The following FAM78B variants were observed in gnomAD, a reference collection of about 807,000 sequenced individuals.
The protein encoded by FAM78B is family with sequence similarity 78 member B, also known as protein FAM78B.
FAM78B carries 10 observed loss-of-function variants against 20.0 expected under a neutral mutation model. The ratio of observed to expected loss-of-function variants is 0.50; its 90% CI spans 0.31 to 0.85. The LOEUF (loss-of-function observed/expected upper bound fraction) is 0.85. Ranked by LOEUF, FAM78B falls within the 40% of genes least tolerant of loss-of-function variation. FAM78B has a pLI of 0.05. For synonymous variants in FAM78B, 135 were observed against 132.8 expected, an observed-to-expected ratio of 1.02 and a Z score of -0.12; for missense variants, 283 against 345.0, an observed-to-expected ratio of 0.82 and a Z score of 1.42.
rs1190876277 is a variant in FAM78B, at chr1:166,069,918, C to A, written c.*323G>T. The A allele has an allele frequency of 3.1e-6, 3 of 982,934 alleles. No individual in the cohort carries two copies. Among genetic ancestry groups the A allele is most frequent in the East Asian group, 1.5e-4 (2 of 13,056 alleles). The allele number at this position is 982,934 out of a possible 1,614,324, so 60.9% of individuals were successfully genotyped here. ...GCACTGTTTAATTTCGTTTCCATCC[C>A]CTGCATCTCACAGGAAAGAAATGGT... On this transcript the variant is annotated 3_prime_UTR_variant, in exon 2 of 2. Transcript: ENST00000354422.
intron 1 of FAM78B, among the ~76,000 whole-genome samples, chr1:166,116,246 T>A (rs1199389195): frequency 6.6e-6 from 1 of 152,200 alleles, no homozygotes; most frequent in Non-Finnish European, 1.5e-5. Flanking sequence ...TCCTGTTGGC[T>A]TCTGGGCTCT....
intron 1 of FAM78B, among the ~76,000 whole-genome samples, chr1:166,132,676 T>C (rs1218912604): frequency 1.3e-5 from 2 of 152,160 alleles, no homozygotes; most frequent in Non-Finnish European, 2.9e-5. Context: ...TAGACAAAAA[T>C]TTTCATGTTA....
At chr1:166,111,826 G>A (rs1464507184) in intron 1 of FAM78B, among the ~76,000 whole-genome samples, 2 of 152,150 alleles carry the variant, frequency 1.3e-5, no homozygotes, top group Admixed American at 1.3e-4. Flanking sequence ...GAAACAACTA[G>A]CCATAGAGCA....
chr1:166,059,027 A>G (rs1187032777), exon 3 of FAM78B: 4 of 152,634 alleles, frequency 2.6e-5, no homozygotes, highest in Admixed American at 1.3e-4. Flanking sequence ...TAAGACTTAC[A>G]TGGGCCATAC....
At chr1:166,056,820 G>A (rs1309694837), downstream of FAM78B, among the ~76,000 whole-genome samples, 1 of 152,176 alleles carries the variant, frequency 6.6e-6, no homozygotes, top group Non-Finnish European at 1.5e-5. Flanking sequence ...TAGATGAGGA[G>A]AGTGCTATGT....
rs774405668 is a variant in FAM78B, at chr1:166,070,629, C to T, written c.398G>A (p.Arg133Lys). ...TLVGPTNKIS[R>K]FSVSMNDNFY... ...GTTGTCATTCATGCTGACGGAGAACCTGGAGATCTTGTTGGTGGGGCCAAC... is the reference window on the plus strand; with the variant it reads ...GTTGTCATTCATGCTGACGGAGAACTTGGAGATCTTGTTGGTGGGGCCAAC... The change falls in exon 2 of 2, where the codon AGG (arginine) becomes AAG (lysine). Residue 133 changes from arginine to lysine, a missense_variant. Coordinates refer to ENST00000354422, the MANE Select transcript of FAM78B (RefSeq NM_001017961.5). 3 of 1,613,762 alleles carry T rather than the reference C, an allele frequency of 1.9e-6. No homozygotes were observed. Among genetic ancestry groups the T allele is most frequent in the East Asian group, 4.5e-5 (2 of 44,874 alleles).
At chr1:166,060,736 A>C in intron 2 of FAM78B, 1 of 906,506 alleles carries the variant, frequency 1.1e-6, no homozygotes, top group Non-Finnish European at 1.5e-6. Context: ...CATTCCCTAA[A>C]AGCAGATGGT....
intron 1 of FAM78B, among the ~76,000 whole-genome samples, chr1:166,099,193 T>C (rs1175690191): frequency 6.6e-6 from 1 of 152,178 alleles, no homozygotes; most frequent in East Asian, 1.9e-4. Flanking sequence ...GACAAACAAA[T>C]GATAAGAGAA....
intron 1 of FAM78B, among the ~76,000 whole-genome samples, chr1:166,129,834 T>C (rs987756873): frequency 2.0e-5 from 3 of 152,164 alleles, no homozygotes; most frequent in Admixed American, 2.0e-4. Flanking sequence ...CTCTAATCCA[T>C]TGCCACATGA....
At chr1:166,109,913 T>C (rs1238877975) in intron 1 of FAM78B, among the ~76,000 whole-genome samples, 2 of 111,194 alleles carry the variant, frequency 1.8e-5, no homozygotes, top group African/African-American at 3.0e-5. Context: ...TATATATATA[T>C]ATATATAATG....
chr1:166,157,606 G>A (rs1289040566), intron 1 of FAM78B, among the ~76,000 whole-genome samples: 3 of 152,126 alleles, frequency 2.0e-5, no homozygotes, highest in African/African-American at 7.2e-5. Context: ...GGAGCCAGAG[G>A]TATGTCCAAT....
intron 1 of FAM78B, among the ~76,000 whole-genome samples, chr1:166,080,909 C>T (rs935679506): frequency 5.3e-5 from 8 of 152,340 alleles, no homozygotes; most frequent in South Asian, 4.1e-4. Context: ...CCAGGCCAGG[C>T]GCCTGTCACC....
At chr1:166,121,857 TAC>T (rs1327076854) in intron 1 of FAM78B, among the ~76,000 whole-genome samples, 3 of 152,118 alleles carry the variant, frequency 2.0e-5, no homozygotes, top group Non-Finnish European at 4.4e-5. Context: ...TCCTACTGAC[TAC>T]ATCATATCCC....
At chr1:166,063,343 T>C (rs1046892829) in intron 2 of FAM78B, among the ~76,000 whole-genome samples, 1 of 152,000 alleles carries the variant, frequency 6.6e-6, no homozygotes, top group Non-Finnish European at 1.5e-5. Flanking sequence ...GAGTTGGAGG[T>C]GGGCATGAAG....
intron 1 of FAM78B, among the ~76,000 whole-genome samples, chr1:166,162,330 G>C (rs574599199): frequency 1.3e-5 from 2 of 152,178 alleles, no homozygotes; most frequent in Non-Finnish European, 2.9e-5. Context: ...AGCTATGACT[G>C]AGCTATGACT....
At chr1:166,151,021 G>A (rs534028873) in intron 1 of FAM78B, among the ~76,000 whole-genome samples, 32 of 152,332 alleles carry the variant, frequency 2.1e-4, no homozygotes, top group African/African-American at 7.7e-4. Flanking sequence ...TTTTAATCTG[G>A]TATAGAAGTT....
chr1:166,107,813 T>C (rs1228074129), intron 1 of FAM78B, among the ~76,000 whole-genome samples: 2 of 152,176 alleles, frequency 1.3e-5, no homozygotes, highest in Non-Finnish European at 1.5e-5. Context: ...GTGGGTTTCA[T>C]ACCACGGATG....
chr1:166,131,068 T>C (rs1272365769), intron 1 of FAM78B, among the ~76,000 whole-genome samples: 1 of 149,424 alleles, frequency 6.7e-6, no homozygotes, highest in Non-Finnish European at 1.5e-5. Flanking sequence ...CTTGGCTCAC[T>C]GCAACCTCCA....
At chr1:166,154,004 G>T (rs1264443254) in intron 1 of FAM78B, among the ~76,000 whole-genome samples, 1 of 152,132 alleles carries the variant, frequency 6.6e-6, no homozygotes, top group South Asian at 2.1e-4. Context: ...AATGACAAAA[G>T]AATTGACTGA....
Sources: gnomAD v4.1 joint callset for allele counts (sites outside exome capture counted in the v4.1 genomes callset) on GRCh38, gnomAD v4.1.1 for gene constraint, MANE v1.5 for transcripts, NCBI Gene and HGNC (gene_info 2026-07-23, HGNC 2026-07-21) for gene names.